Variants in FAM53B observed in about 807,000 individuals in gnomAD.
FAM53B encodes protein FAM53B.
A neutral mutation model predicts 32.7 loss-of-function variants in FAM53B; 12 were observed. The ratio of observed to expected loss-of-function variants is 0.37; its 90% CI spans 0.24 to 0.59. The LOEUF is 0.59. FAM53B is among the 20% of genes least tolerant of loss of function. The pLI is 0.72. For synonymous variants in FAM53B, 234 were observed against 228.7 expected, an observed-to-expected ratio of 1.02 and a Z score of -0.21; for missense variants, 477 against 577.7, an observed-to-expected ratio of 0.83 and a Z score of 1.79.
At chr10:124,690,573 C>A (rs1323400264) in intron 3 of FAM53B, among the ~76,000 whole-genome samples, 1 of 152,236 alleles carries the variant, frequency 6.6e-6, no homozygotes, top group East Asian at 1.9e-4. Flanking sequence ...CCCTGGGAAG[C>A]TCTGTCTTCA....
chr10:124,632,215 C>T (rs960736161), intron 4 of FAM53B, among the ~76,000 whole-genome samples: 4 of 152,264 alleles, frequency 2.6e-5, no homozygotes, highest in South Asian at 2.1e-4. Flanking sequence ...ATGGCCTGCC[C>T]GAACACAGAA....
intron 1 of FAM53B, among the ~76,000 whole-genome samples, chr10:124,730,034 A>G: frequency 6.6e-6 from 1 of 152,284 alleles, no homozygotes; most frequent in South Asian, 2.1e-4. Context: ...CATTTTAAGG[A>G]GTAAGTCACG....
intron 4 of FAM53B, among the ~76,000 whole-genome samples, chr10:124,658,441 T>C (rs754475403): frequency 2.0e-5 from 3 of 152,348 alleles, no homozygotes; most frequent in Non-Finnish European, 4.4e-5. Flanking sequence ...AAAGGCTGCT[T>C]TGCCAAGTGG....
chr10:124,706,932 A>G, intron 1 of FAM53B, 45 bp from the exon 2 acceptor site: 1 of 1,407,982 alleles, frequency 7.1e-7, no homozygotes, highest in South Asian at 1.5e-5. Context: ...ACTAAGAAAG[A>G]CGAGGGCCCT....
intron 1 of FAM53B, among the ~76,000 whole-genome samples, chr10:124,731,522 T>C (rs1023795197): frequency 3.9e-5 from 6 of 152,290 alleles, no homozygotes; most frequent in African/African-American, 1.4e-4. Context: ...TGTACTGCCT[T>C]GTACTATAAG....
intron 1 of FAM53B, among the ~76,000 whole-genome samples, chr10:124,740,656 T>A (rs1950194497): frequency 6.6e-6 from 1 of 152,204 alleles, no homozygotes; most frequent in Admixed American, 6.5e-5. Context: ...AACAAACAAA[T>A]TAATCAGAGA....
chr10:124,671,596 C>T (rs530921667), intron 4 of FAM53B, among the ~76,000 whole-genome samples: 81 of 152,202 alleles, frequency 5.3e-4, no homozygotes, highest in Admixed American at 1.5e-3. Flanking sequence ...GCCTCCATAC[C>T]GCCACCACTA....
chr10:124,687,681 C>G (rs907916096), intron 3 of FAM53B, among the ~76,000 whole-genome samples: 1 of 152,172 alleles, frequency 6.6e-6, no homozygotes, highest in Non-Finnish European at 1.5e-5. Flanking sequence ...ACAGGAGCAT[C>G]CTTTGGGGGT....
At chr10:124,678,022 A>G (rs573809763) in intron 4 of FAM53B, among the ~76,000 whole-genome samples, 2 of 152,382 alleles carry the variant, frequency 1.3e-5, no homozygotes, top group African/African-American at 4.8e-5. Context: ...AAAGAAAAGC[A>G]AAGAGGCAAG....
intron 4 of FAM53B, among the ~76,000 whole-genome samples, chr10:124,673,930 G>A (rs1192563878): frequency 6.6e-6 from 1 of 152,192 alleles, no homozygotes; most frequent in East Asian, 1.9e-4. Flanking sequence ...AGAAACCCAA[G>A]GCTCAGAGAA....
At chr10:124,633,689 G>A (rs1266036425) in intron 4 of FAM53B, among the ~76,000 whole-genome samples, 1 of 152,140 alleles carries the variant, frequency 6.6e-6, no homozygotes, top group East Asian at 1.9e-4. Flanking sequence ...AAGCAGAGGA[G>A]AAAAGATGGC....
Position 124,681,861 on chromosome 10 carries a change from C to G in FAM53B, c.652G>C (p.Val218Leu). ...GDTWSPDLHPVGGGRLDLQRS... is the reference protein window; with the variant it reads ...GDTWSPDLHPLGGGRLDLQRS... ...TGCAGGTCCAGCCGGCCTCCTCCCA[C>G]GGGGTGCAGGTCAGGGCTCCAGGTG... The change falls in exon 4 of 5, where the codon GTG (valine) becomes CTG (leucine). Residue 218 changes from valine to leucine, a missense_variant. Physicochemically the swap from Val to Leu is conservative, Grantham distance 32 (BLOSUM62 1). This residue lies in a region of FAM53B where 312 missense variants were observed against 420.2 expected (regional missense o/e 0.74). Transcript: ENST00000337318. 1 of 1,613,224 alleles carries G rather than the reference C, an allele frequency of 6.2e-7. No individual in the cohort carries two copies. Among genetic ancestry groups the G allele is most frequent in the Middle Eastern group, 1.7e-4 (1 of 6,060 alleles).
chr10:124,675,323 T>C (rs1033615921), intron 4 of FAM53B, among the ~76,000 whole-genome samples: 1 of 152,152 alleles, frequency 6.6e-6, no homozygotes, highest in Admixed American at 6.5e-5. Context: ...GAGCTGAAAC[T>C]AGTCTCCTGG....
intron 4 of FAM53B, among the ~76,000 whole-genome samples, chr10:124,629,415 G>A (rs1008894150): frequency 3.3e-5 from 5 of 152,180 alleles, no homozygotes; most frequent in Admixed American, 6.5e-5. Flanking sequence ...CCTCTTTTTA[G>A]TCCAGTTTTA....
At chr10:124,671,116 G>A in intron 4 of FAM53B, 1 of 447,118 alleles carries the variant, frequency 2.2e-6, no homozygotes, top group Non-Finnish European at 4.6e-6. Flanking sequence ...CTCCCCGTCT[G>A]CTTCCTGTGC....
intron 4 of FAM53B, among the ~76,000 whole-genome samples, chr10:124,680,329 C>G (rs895022126): frequency 6.6e-6 from 1 of 152,208 alleles, no homozygotes; most frequent in Non-Finnish European, 1.5e-5. Flanking sequence ...AATGCCCCAG[C>G]CAGTGCCCAG....
At chr10:124,655,474 G>A (rs766930295) in intron 4 of FAM53B, among the ~76,000 whole-genome samples, 2 of 151,918 alleles carry the variant, frequency 1.3e-5, no homozygotes, top group Non-Finnish European at 2.9e-5. Flanking sequence ...TTCTCAGGAC[G>A]ATACCAGCAG....
Position 124,621,660 on chromosome 10 carries a change from AAAC to A in FAM53B, c.*1579_*1581del, listed in dbSNP as rs1564858584. 3 of 152,258 alleles carry A rather than the reference AAAC, an allele frequency of 2.0e-5. No individual in the cohort carries two copies. The highest frequency in any genetic ancestry group is 4.8e-5 in the African/African-American group (2 of 41,470). The allele number at this position is 152,258 out of a possible 1,614,324, so 9.4% of individuals were successfully genotyped here. ...TTGATGTAGTAAAAAAATAAGATTT[AAAC>A]AACGTTTCCCAAAAAGCATCTTTCT... On this transcript the variant is annotated 3_prime_UTR_variant, in exon 5 of 5. Transcript: ENST00000337318.
intron 4 of FAM53B, among the ~76,000 whole-genome samples, chr10:124,654,352 C>A (rs950146039): frequency 3.9e-5 from 6 of 152,244 alleles, no homozygotes; most frequent in African/African-American, 1.4e-4. Flanking sequence ...CACACCAGGA[C>A]AGAAACTGGA....
Sources: gnomAD v4.1 joint callset for allele counts (sites outside exome capture counted in the v4.1 genomes callset) on GRCh38, gnomAD v4.1.1 for gene constraint, gnomAD v4.1.1 regional missense constraint, MANE v1.5 for transcripts, NCBI Gene and HGNC (gene_info 2026-07-23, HGNC 2026-07-21) for gene names.